UTRN: variants seen among roughly 807,000 people sequenced by gnomAD.
UTRN encodes the protein dystrophin-related protein 1.
UTRN carries 283 observed loss-of-function variants against 463.9 expected under a neutral mutation model. The ratio of observed to expected loss-of-function variants is 0.61; its 90% CI spans 0.55 to 0.67. The LOEUF is 0.67. UTRN is among the 30% of genes least tolerant of loss of function. The probability of loss-of-function intolerance (pLI) is 0.00; values close to 1 mark genes in which losing one functional copy is unlikely to be tolerated. For synonymous variants in UTRN, 1,442 were observed against 1,431.5 expected, an observed-to-expected ratio of 1.01 and a Z score of -0.17; for missense variants, 3,922 against 4,084.3, an observed-to-expected ratio of 0.96 and a Z score of 1.08.
intron 54 of UTRN, among the ~76,000 whole-genome samples, chr6:144,733,402 A>G (rs1788986259): frequency 6.6e-6 from 1 of 151,728 alleles, no homozygotes; most frequent in South Asian, 2.1e-4. Context: ...CTGCAGTCCC[A>G]GCTACTCAGG....
At chr6:144,634,647 A>G (rs1317145455) in intron 51 of UTRN, among the ~76,000 whole-genome samples, 5 of 152,218 alleles carry the variant, frequency 3.3e-5, no homozygotes, top group Admixed American at 1.3e-4. Flanking sequence ...ATAGAGCTGT[A>G]CAACCATCAC....
chr6:144,697,397 A>T (rs1198849710), intron 52 of UTRN, among the ~76,000 whole-genome samples: 1 of 152,160 alleles, frequency 6.6e-6, no homozygotes, highest in Non-Finnish European at 1.5e-5. Flanking sequence ...AGAAAGTACC[A>T]CTAAGCTGAA....
At chr6:144,426,565 T>C in intron 7 of UTRN, 106 bp downstream of exon 7, 3 of 1,157,958 alleles carry the variant, frequency 2.6e-6, no homozygotes, top group Non-Finnish European at 3.5e-6. Flanking sequence ...GTGCCACTGC[T>C]CTCCTTTCTG....
chr6:144,849,798 T>C (rs1782331398), intron 74 of UTRN, among the ~76,000 whole-genome samples: 1 of 152,198 alleles, frequency 6.6e-6, no homozygotes, highest in Non-Finnish European at 1.5e-5. Context: ...TAATGGAGTA[T>C]ATAGGCACAA....
In UTRN at chr6:144,451,016, G is replaced by T. The variant is rs1266865849; in HGVS notation, c.2073-354G>T. 2.6e-5 allele frequency among the ~76,000 whole-genome samples: 4 copies of T among 152,126 alleles called. No homozygotes were observed. In the East Asian group the frequency reaches 5.8e-4, roughly 22 times the overall value. Reference sequence around the variant, plus strand: ...TAATCCTAGCTACTCGGGAGGCTGAGGCAGGAGAATCCTTTGAATCTGGAG... The same window carrying T: ...TAATCCTAGCTACTCGGGAGGCTGATGCAGGAGAATCCTTTGAATCTGGAG... On this transcript the variant is annotated intron_variant, in intron 17 of 74. Coordinates refer to ENST00000367545, the MANE Select transcript of UTRN (RefSeq NM_007124.3).
At chr6:144,488,320 T>G (rs1792683626) in intron 29 of UTRN, among the ~76,000 whole-genome samples, 1 of 152,208 alleles carries the variant, frequency 6.6e-6, no homozygotes, top group Non-Finnish European at 1.5e-5. Flanking sequence ...GACATTTTTC[T>G]TATGTTTTAT....
chr6:144,431,784 AT>A (rs1266690531), intron 9 of UTRN, among the ~76,000 whole-genome samples: 2 of 151,890 alleles, frequency 1.3e-5, no homozygotes, highest in Non-Finnish European at 2.9e-5. Context: ...CAGTTTTAGG[AT>A]TTTTTGTCCA....
intron 2 of UTRN, among the ~76,000 whole-genome samples, chr6:144,366,497 G>A (rs567648605): frequency 3.9e-5 from 6 of 152,210 alleles, no homozygotes; most frequent in South Asian, 4.1e-4. Context: ...GAGAACATGC[G>A]GTATTTGATT....
intron 51 of UTRN, among the ~76,000 whole-genome samples, chr6:144,642,260 G>T (rs147221062): frequency 6.6e-6 from 1 of 152,288 alleles, no homozygotes; most frequent in African/African-American, 2.4e-5. Context: ...GGTCCACAGA[G>T]ATTATATTCG....
chr6:144,495,226 C>G (rs182744505), intron 33 of UTRN, among the ~76,000 whole-genome samples: 3 of 152,136 alleles, frequency 2.0e-5, no homozygotes, highest in Admixed American at 6.5e-5. Flanking sequence ...AGGCTCCGGC[C>G]GCACAGGAGC....
Position 144,577,277 on chromosome 6 carries a change from C to T in UTRN, c.7468C>T (p.Gln2490Ter). The change falls in exon 51 of 75, where the codon CAG (glutamine) becomes TAG (stop). Residue 2490 changes from glutamine to a stop codon, truncating the protein, a stop_gained. Coordinates refer to ENST00000367545, the MANE Select transcript of UTRN (RefSeq NM_007124.3). LOFTEE classifies it high-confidence loss of function. ...TAGTATCTTGGCCAGGGAACTCAAA[C>T]AGCAGATGCAGGTAAGTGCATGGGA... ...QDSILARELK[Q>*]QMQDIQAEID... 1 of 1,613,682 alleles carries T rather than the reference C, an allele frequency of 6.2e-7. No individual in the cohort carries two copies. The highest frequency in any genetic ancestry group is 8.5e-7 in the Non-Finnish European group (1 of 1,179,800).
rs1002240241 is a variant in UTRN at position 144,286,824 on chromosome 6, C to T, written c.-93+1003C>T. Reference sequence around the variant, plus strand: ...TTATTTTACAAGGAACTGCAGAGCTCGGGTTCTAACTCCACGGCCCCGCTC... The same window carrying T: ...TTATTTTACAAGGAACTGCAGAGCTTGGGTTCTAACTCCACGGCCCCGCTC... On this transcript the variant is annotated intron_variant, in intron 1 of 74. Transcript: ENST00000367545. This position sits in a 1 kb window ranked among gnomAD's most constrained non-coding sequence, Gnocchi z 4.4. 3.9e-5 allele frequency among the ~76,000 whole-genome samples: 6 copies of T among 151,996 alleles called. No individual in the cohort carries two copies. Among genetic ancestry groups the T allele is most frequent in the East Asian group, 1.9e-4 (1 of 5,162 alleles).
At chr6:144,775,895 C>G (rs558905964) in intron 60 of UTRN, among the ~76,000 whole-genome samples, 1 of 152,282 alleles carries the variant, frequency 6.6e-6, no homozygotes, top group East Asian at 1.9e-4. Flanking sequence ...CCCCTCAAAC[C>G]TGAGAGGAAC....
intron 2 of UTRN, among the ~76,000 whole-genome samples, chr6:144,343,406 ACAC>A (rs1441246298): frequency 1.4e-5 from 2 of 139,352 alleles, no homozygotes; most frequent in Non-Finnish European, 1.6e-5. Flanking sequence ...ACACACACAC[ACAC>A]AATAGCCGGG....
intron 51 of UTRN, among the ~76,000 whole-genome samples, chr6:144,637,634 C>A (rs987609938): frequency 1.3e-5 from 2 of 148,710 alleles, no homozygotes; most frequent in African/African-American, 5.1e-5. Flanking sequence ...TTCACATACA[C>A]GTTGTTTAAA....
intron 53 of UTRN, among the ~76,000 whole-genome samples, chr6:144,721,104 C>T (rs1199601609): frequency 6.6e-6 from 1 of 152,098 alleles, no homozygotes; most frequent in Non-Finnish European, 1.5e-5. Flanking sequence ...AATCATTGTG[C>T]TCTCCAGTTG....
chr6:144,850,939 C>A, intron 74 of UTRN, 50 bp from the exon 75 acceptor site: 8 of 1,611,336 alleles, frequency 5.0e-6, no homozygotes, highest in Non-Finnish European at 6.8e-6. Context: ...TCTCTGCTTC[C>A]TGTAATGTTT....
intron 13 of UTRN, 63 bp downstream of exon 13, chr6:144,440,534 T>C: frequency 6.2e-7 from 1 of 1,603,658 alleles, no homozygotes; most frequent in Non-Finnish European, 8.5e-7. Flanking sequence ...AATTACATAT[T>C]GCCCTTGTTC....
chr6:144,725,299 T>C (rs372889375), intron 53 of UTRN, among the ~76,000 whole-genome samples: 127 of 152,314 alleles, frequency 8.3e-4, no homozygotes, highest in African/African-American at 2.8e-3. Flanking sequence ...TCCCCAGCCA[T>C]GGGGAACTAT....
Sources: allele counts gnomAD v4.1 joint callset (sites outside exome capture counted in the v4.1 genomes callset), GRCh38; gene constraint gnomAD v4.1.1; non-coding constraint Gnocchi (gnomAD v3.1); transcripts MANE v1.5; gene names NCBI Gene and HGNC (gene_info 2026-07-23, HGNC 2026-07-21).